CNTN6: variants seen among roughly 807,000 people sequenced by gnomAD.
The protein encoded by CNTN6 is contactin-6.
In CNTN6, 137 loss-of-function variants were observed where a neutral mutation model predicts 122.8. That is an observed-to-expected ratio of 1.12 (90% CI 0.97 to 1.29). The LOEUF (loss-of-function observed/expected upper bound fraction) is 1.29. Ranked by LOEUF, CNTN6 falls within the 50% of genes most tolerant of loss-of-function variation. CNTN6 has a pLI of 0.00. For synonymous variants in CNTN6, 570 were observed against 426.0 expected (o/e 1.34, Z -4.16); for missense variants, 1,634 against 1,223.4 (o/e 1.34, Z -5.01).
chr3:1,293,780 G>A (rs764745022), intron 5 of CNTN6, among the ~76,000 whole-genome samples: 6 of 152,158 alleles, frequency 3.9e-5, no homozygotes, highest in Admixed American at 6.5e-5. Context: ...CTATTTTGGG[G>A]ATCTCCTTTG....
chr3:1,383,386 C>A lies in CNTN6; in HGVS notation c.2495C>A (p.Thr832Asn), dbSNP rs762757510. The A allele has an allele frequency of 8.1e-6, 13 of 1,613,620 alleles. No homozygotes were observed. In the African/African-American group the frequency reaches 1.5e-4, roughly 18 times the overall value. Residue 832 changes from threonine (T) to asparagine (N), a missense_variant, in exon 19 of 23, where the codon ACT (threonine) becomes AAT (asparagine). Physicochemically the swap from Thr to Asn is moderately conservative, Grantham distance 65 (BLOSUM62 0). Coordinates refer to ENST00000446702, the MANE Select transcript of CNTN6 (RefSeq NM_001289080.2). Reference protein sequence around the residue: ...SWNAIAWNRNTGRVLGYEVLY... With the variant: ...SWNAIAWNRNNGRVLGYEVLY... The stretch of plus-strand genomic sequence containing the variant: ...AATGCTATTGCCTGGAATAGAAACA[C>A]TGGAAGAGTGCTGGGCTATGAGGTA...
intron 4 of CNTN6, among the ~76,000 whole-genome samples, chr3:1,254,083 A>T (rs2094714709): frequency 6.6e-6 from 1 of 152,188 alleles, no homozygotes; most frequent in African/African-American, 2.4e-5. Context: ...TAAAAATATT[A>T]TAAACAGATT....
At chr3:1,249,590 G>C (rs931433676) in intron 4 of CNTN6, among the ~76,000 whole-genome samples, 1 of 152,156 alleles carries the variant, frequency 6.6e-6, no homozygotes, top group Non-Finnish European at 1.5e-5. Context: ...ATCTATAGAC[G>C]TGATTTAACA....
chr3:1,361,376 T>C (rs1179276162), intron 12 of CNTN6, among the ~76,000 whole-genome samples: 1 of 152,160 alleles, frequency 6.6e-6, no homozygotes, highest in African/African-American at 2.4e-5. Flanking sequence ...TGAAATCTTC[T>C]AATGGTTCTT....
chr3:1,228,347 G>A (rs1157705327), intron 4 of CNTN6, among the ~76,000 whole-genome samples: 1 of 152,080 alleles, frequency 6.6e-6, no homozygotes, highest in Non-Finnish European at 1.5e-5. Context: ...AGCACAGGAA[G>A]AAAAAGCTGA....
rs570112597 is a variant in CNTN6 at position 1,245,458 on chromosome 3, G to A, written c.358+17465G>A. On this transcript the variant is annotated intron_variant, in intron 4 of 22. Coordinates refer to ENST00000446702, the MANE Select transcript of CNTN6 (RefSeq NM_001289080.2). The stretch of plus-strand genomic sequence containing the variant: ...AGGAATGGAAAATCAAACATCATAC[G>A]TTCTTATTCATATGTGGGAGCTAAG... Among the ~76,000 whole-genome samples the A allele has an allele frequency of 9.9e-4, 146 of 147,266 alleles. 1 individual carries two copies. The highest frequency in any genetic ancestry group is 8.4e-3 in the Admixed American group (121 of 14,328).
intron 1 of CNTN6, among the ~76,000 whole-genome samples, chr3:1,112,344 C>T (rs2125022472): frequency 6.6e-6 from 1 of 152,238 alleles, no homozygotes. Flanking sequence ...AGTCCCAGGA[C>T]AGGCCTTTTG....
chr3:1,205,994 A>G (rs2093952722), intron 2 of CNTN6, among the ~76,000 whole-genome samples: 1 of 152,190 alleles, frequency 6.6e-6, no homozygotes, highest in African/African-American at 2.4e-5. Context: ...AGTCATTTGC[A>G]TTCTTAATAG....
At chr3:1,200,892 CTT>C (rs1240033481) in intron 2 of CNTN6, among the ~76,000 whole-genome samples, 1 of 151,614 alleles carries the variant, frequency 6.6e-6, no homozygotes, top group African/African-American at 2.4e-5. Flanking sequence ...ACCCTATACT[CTT>C]TCTTCTTTCT....
chr3:1,293,879 T>C (rs141803765), intron 5 of CNTN6, among the ~76,000 whole-genome samples: 40 of 152,312 alleles, frequency 2.6e-4, no homozygotes, highest in African/African-American at 8.7e-4. Flanking sequence ...CAGGAAGAAT[T>C]ATATTCACCA....
chr3:1,148,111 T>C (rs754571615), intron 2 of CNTN6, 48 bp downstream of exon 2: 6 of 1,435,032 alleles, frequency 4.2e-6, no homozygotes, highest in South Asian at 2.4e-5. Context: ...TATATTGGCA[T>C]TGTATTTCTT....
chr3:1,382,805 T>A, intron 17 of CNTN6, 137 bp from the exon 18 acceptor site: 1 of 609,696 alleles, frequency 1.6e-6, no homozygotes, highest in African/African-American at 1.8e-5. Context: ...AATAAAAGTG[T>A]TTTTTAATAC....
chr3:1,397,700 A>C (rs1189699030), intron 20 of CNTN6, among the ~76,000 whole-genome samples: 1 of 152,174 alleles, frequency 6.6e-6, no homozygotes, highest in Non-Finnish European at 1.5e-5. Flanking sequence ...AAGTGTTTGC[A>C]AATGTTGGCT....
intron 2 of CNTN6, among the ~76,000 whole-genome samples, chr3:1,178,154 G>A (rs957184493): frequency 6.6e-6 from 1 of 152,164 alleles, no homozygotes; most frequent in African/African-American, 2.4e-5. Flanking sequence ...ACCCACCTCA[G>A]CCTCCCAAAG....
intron 11 of CNTN6, among the ~76,000 whole-genome samples, chr3:1,350,531 A>G (rs1277385324): frequency 6.6e-6 from 1 of 151,904 alleles, no homozygotes; most frequent in Non-Finnish European, 1.5e-5. Flanking sequence ...GATTTCATAG[A>G]AATAATCAGC....
intron 10 of CNTN6, among the ~76,000 whole-genome samples, chr3:1,328,227 A>T (rs974289894): frequency 6.6e-6 from 1 of 151,864 alleles, no homozygotes; most frequent in African/African-American, 2.4e-5. Context: ...AGACATCAAG[A>T]GGAGGTAGAA....
At chr3:1,207,647 T>C (rs2093975957) in intron 2 of CNTN6, among the ~76,000 whole-genome samples, 1 of 152,120 alleles carries the variant, frequency 6.6e-6, no homozygotes, top group African/African-American at 2.4e-5. Context: ...TTCTGTTTGT[T>C]TGTTCATTTA....
At chr3:1,191,917 C>T (rs2093707825) in intron 2 of CNTN6, among the ~76,000 whole-genome samples, 1 of 152,302 alleles carries the variant, frequency 6.6e-6, no homozygotes, top group South Asian at 2.1e-4. Context: ...CTTTCTTTTA[C>T]TCTAAATTAT....
intron 1 of CNTN6, among the ~76,000 whole-genome samples, chr3:1,102,386 T>A (rs531179631): frequency 1.3e-5 from 2 of 152,254 alleles, no homozygotes; most frequent in East Asian, 3.9e-4. Context: ...AAAGAGAAAC[T>A]CAGAAATCAG....
Sources: gnomAD v4.1 joint callset for allele counts (sites outside exome capture counted in the v4.1 genomes callset) on GRCh38, gnomAD v4.1.1 for gene constraint, MANE v1.5 for transcripts, NCBI Gene and HGNC (gene_info 2026-07-23, HGNC 2026-07-21) for gene names.